Variants in NAV3 observed in about 807,000 individuals in gnomAD.
NAV3 encodes the protein neuron navigator 3.
NAV3 carries 87 observed loss-of-function variants against 244.7 expected under a neutral mutation model. That is an observed-to-expected ratio of 0.36 (90% CI 0.30 to 0.42). NAV3 has a LOEUF of 0.42. Among genes scored for constraint, NAV3 ranks in the 20% least tolerant of loss-of-function variants. The pLI, the probability that NAV3 is intolerant of heterozygous loss-of-function variation, is 1.00. For synonymous variants in NAV3, 1,126 were observed against 1,042.2 expected (o/e 1.08, Z -1.55); for missense variants, 2,663 against 2,893.3 (o/e 0.92, Z 1.83).
At chr12:78,140,178 T>A in intron 19 of NAV3, 104 bp from the exon 20 acceptor site, 1 of 906,398 alleles carries the variant, frequency 1.1e-6, no homozygotes, top group Non-Finnish European at 1.8e-6. Context: ...TAGTTGTTAT[T>A]ACTTAATTTC....
intron 2 of NAV3, among the ~76,000 whole-genome samples, chr12:77,733,716 G>T (rs1232404926): frequency 1.3e-5 from 2 of 151,810 alleles, no homozygotes; most frequent in Non-Finnish European, 2.9e-5. Flanking sequence ...AACCAACAAA[G>T]CATGGCTTCA....
chr12:77,666,187 T>TG (rs1338772500), intron 2 of NAV3, among the ~76,000 whole-genome samples: 1 of 150,338 alleles, frequency 6.7e-6, no homozygotes, highest in Non-Finnish European at 1.5e-5. Flanking sequence ...CAGTTTTTTT[T>TG]TTTTTTTTTT....
chr12:77,875,375 A>C (rs1881698775), intron 1 of NAV3, among the ~76,000 whole-genome samples: 1 of 152,060 alleles, frequency 6.6e-6, no homozygotes, highest in African/African-American at 2.4e-5. Flanking sequence ...ACTTCTCAAA[A>C]GAGCACCTCC....
intron 19 of NAV3, among the ~76,000 whole-genome samples, chr12:78,137,771 A>G (rs1956435720): frequency 1.3e-5 from 2 of 152,156 alleles, no homozygotes. Context: ...ATTCCCAGGA[A>G]TTCCCTCTGG....
intron 1 of NAV3, among the ~76,000 whole-genome samples, chr12:77,850,456 T>C (rs1241561464): frequency 1.3e-5 from 2 of 152,226 alleles, no homozygotes; most frequent in African/African-American, 4.8e-5. Context: ...ACTTATCAAA[T>C]GTACAAGAAA....
At chr12:77,707,803 C>T (rs893373155) in intron 2 of NAV3, among the ~76,000 whole-genome samples, 23 of 152,098 alleles carry the variant, frequency 1.5e-4, no homozygotes, top group Admixed American at 3.3e-4. Flanking sequence ...TGCATTTCTC[C>T]GATGGCCAGT....
intron 1 of NAV3, among the ~76,000 whole-genome samples, chr12:77,896,552 C>G (rs1884652511): frequency 6.6e-6 from 1 of 152,024 alleles, no homozygotes; most frequent in Non-Finnish European, 1.5e-5. Flanking sequence ...ATATTTGTTC[C>G]TTCTTAATTT....
At chr12:78,084,844 G>A (rs557509646) in intron 12 of NAV3, among the ~76,000 whole-genome samples, 5 of 152,116 alleles carry the variant, frequency 3.3e-5, no homozygotes, top group African/African-American at 1.2e-4. Flanking sequence ...TCCTGACTTG[G>A]CCTATCAGCA....
chr12:77,942,387 A>G lies in NAV3; in HGVS notation c.414+1254A>G, dbSNP rs561199549. On this transcript the variant is annotated intron_variant, in intron 3 of 39. Transcript: ENST00000397909. ...AACTCTGTCTCGAAAAAATAAATAA[A>G]TAAATAAATAATAAAATCAAATAAT... is the stretch of plus-strand genomic sequence containing the variant. Among the ~76,000 whole-genome samples the G allele has an allele frequency of 1.8e-4, 27 of 152,002 alleles. No individual in the cohort carries two copies. In the South Asian group the frequency reaches 5.2e-3, roughly 29 times the overall value.
chr12:77,794,953 T>C (rs113309517), intron 2 of NAV3, among the ~76,000 whole-genome samples: 2 of 152,306 alleles, frequency 1.3e-5, no homozygotes, highest in African/African-American at 4.8e-5. Flanking sequence ...GACACAACCG[T>C]ATTGAAATTA....
chr12:77,650,384 T>C (rs1872771559), intron 2 of NAV3, among the ~76,000 whole-genome samples: 1 of 152,100 alleles, frequency 6.6e-6, no homozygotes, highest in African/African-American at 2.4e-5. Flanking sequence ...TGGTAAATAG[T>C]TGGAGAGACC....
rs1372180540 is a variant in NAV3 at position 78,047,376 on chromosome 12, A to G, written c.2024-2617A>G. Among the ~76,000 whole-genome samples, 8 of 152,224 alleles carry G rather than the reference A, an allele frequency of 5.3e-5. No homozygotes were observed. The East Asian group carries it at 1.5e-3, about 29-fold the overall frequency. ...GCAACGGGTGCCTGTAGTCCCAGCT[A>G]CTCAGGAGGCTGAGGCAGGAGAATG... is the stretch of plus-strand genomic sequence containing the variant. On this transcript the variant is annotated intron_variant, in intron 9 of 39. Coordinates refer to ENST00000397909, the MANE Select transcript of NAV3 (RefSeq NM_001024383.2).
intron 9 of NAV3, among the ~76,000 whole-genome samples, chr12:78,032,792 G>A (rs547551039): frequency 2.0e-5 from 3 of 152,266 alleles, no homozygotes; most frequent in African/African-American, 7.2e-5. Flanking sequence ...TTTGTCCTCA[G>A]AGGCCATCCC....
intron 9 of NAV3, among the ~76,000 whole-genome samples, chr12:78,023,701 C>A (rs1877531013): frequency 2.0e-5 from 3 of 152,022 alleles, no homozygotes; most frequent in Admixed American, 1.3e-4. Context: ...AAATTGAGTA[C>A]TATAATTGAA....
intron 12 of NAV3, among the ~76,000 whole-genome samples, chr12:78,079,848 C>T (rs1371996465): frequency 1.3e-5 from 2 of 152,028 alleles, no homozygotes; most frequent in Non-Finnish European, 2.9e-5. Flanking sequence ...CTCTTGCCTA[C>T]GTAGGACAGT....
Position 78,175,365 on chromosome 12 carries a change from A to G in NAV3, c.5041A>G (p.Ser1681Gly), listed in dbSNP as rs748435852. 1 of 1,611,858 alleles carries G rather than the reference A, an allele frequency of 6.2e-7. No individual in the cohort carries two copies. Among genetic ancestry groups the G allele is most frequent in the Non-Finnish European group, 8.5e-7 (1 of 1,178,506 alleles). The change falls in exon 25 of 40, where the codon AGC becomes GGC. Residue 1681 changes from serine (S) to glycine (G), a missense_variant. Coordinates refer to ENST00000397909, the MANE Select transcript of NAV3 (RefSeq NM_001024383.2). ...ESVSSINSAT[S>G]HSSIGSGNDA... ...TGTTTCTAGTATCAACAGTGCCACA[A>G]GCCATTCCAGTATTGGCAGTGGTAA...
At chr12:77,651,147 A>T (rs545037907) in intron 2 of NAV3, among the ~76,000 whole-genome samples, 42 of 150,392 alleles carry the variant, frequency 2.8e-4, no homozygotes, top group Non-Finnish European at 4.9e-4. Flanking sequence ...GGTTAATTAT[A>T]AAAAAAAAAT....
chr12:77,749,875 T>G (rs1335398660), intron 2 of NAV3, among the ~76,000 whole-genome samples: 2 of 152,164 alleles, frequency 1.3e-5, no homozygotes, highest in Non-Finnish European at 2.9e-5. Context: ...GATTTACCAA[T>G]GTAACAGATG....
intron 2 of NAV3, among the ~76,000 whole-genome samples, chr12:77,644,935 T>C (rs1014647353): frequency 6.6e-6 from 1 of 152,106 alleles, no homozygotes; most frequent in Non-Finnish European, 1.5e-5. Flanking sequence ...AGTAAGCATA[T>C]ATAATACCAA....
Sources: allele counts gnomAD v4.1 joint callset (sites outside exome capture counted in the v4.1 genomes callset), GRCh38; gene constraint gnomAD v4.1.1; transcripts MANE v1.5; gene names NCBI Gene and HGNC (gene_info 2026-07-23, HGNC 2026-07-21).